The following PDE7B variants were observed in gnomAD, a reference collection of about 807,000 sequenced individuals.
PDE7B encodes the protein phosphodiesterase 7B, also known as 3',5'-cyclic-AMP phosphodiesterase 7B.
PDE7B carries 29 observed loss-of-function variants against 56.2 expected under a neutral mutation model. The ratio of observed to expected loss-of-function variants is 0.52; its 90% CI spans 0.38 to 0.70. The LOEUF is 0.70. PDE7B is among the 30% of genes least tolerant of loss of function. PDE7B has a pLI of 0.00. For synonymous variants in PDE7B, 197 were observed against 196.9 expected (o/e 1.00, Z 0.00); for missense variants, 490 against 565.0 (o/e 0.87, Z 1.35).
At chr6:136,040,991 C>A (rs1221063744) in intron 2 of PDE7B, among the ~76,000 whole-genome samples, 1 of 152,174 alleles carries the variant, frequency 6.6e-6, no homozygotes, top group Non-Finnish European at 1.5e-5. Flanking sequence ...TTATAGCACA[C>A]ATATTTTTGC....
chr6:136,146,774 C>A (rs1281434484), intron 3 of PDE7B, among the ~76,000 whole-genome samples: 1 of 152,130 alleles, frequency 6.6e-6, no homozygotes. Flanking sequence ...ACTTAGCATA[C>A]CAGCATCATT....
intron 2 of PDE7B, among the ~76,000 whole-genome samples, chr6:136,023,820 C>T (rs1260923597): frequency 2.0e-5 from 3 of 152,068 alleles, no homozygotes; most frequent in South Asian, 2.1e-4. Flanking sequence ...GTAAGACTTT[C>T]GGGAGTTGCT....
intron 12 of PDE7B, 36 bp downstream of exon 12, chr6:136,187,152 C>A (rs1190274673): frequency 1.0e-6 from 1 of 995,792 alleles, no homozygotes. Context: ...AAATAAATAC[C>A]TTTGGCACAT....
At chr6:135,890,047 C>A (rs1213561750) in intron 1 of PDE7B, among the ~76,000 whole-genome samples, 1 of 152,156 alleles carries the variant, frequency 6.6e-6, no homozygotes, top group Non-Finnish European at 1.5e-5. Context: ...GCCACCACAC[C>A]CAGATGGTGC....
At chr6:135,933,179 A>T (rs1271525006) in intron 1 of PDE7B, among the ~76,000 whole-genome samples, 1 of 152,230 alleles carries the variant, frequency 6.6e-6, no homozygotes, top group Non-Finnish European at 1.5e-5. Context: ...GGTCCTAATC[A>T]CTAAACATAG....
At chr6:136,072,601 C>A (rs975131489) in intron 2 of PDE7B, 5 of 152,176 alleles carry the variant, frequency 3.3e-5, no homozygotes, top group African/African-American at 7.2e-5. Context: ...TCTGAAGAGA[C>A]CGTGGCCACC....
chr6:136,077,437 T>C (rs1777142979), intron 2 of PDE7B, among the ~76,000 whole-genome samples: 2 of 152,118 alleles, frequency 1.3e-5, no homozygotes, highest in Non-Finnish European at 2.9e-5. Context: ...ATTGGAATGA[T>C]TGGGAAGTTG....
intron 2 of PDE7B, among the ~76,000 whole-genome samples, chr6:135,950,678 C>G (rs969551975): frequency 6.6e-6 from 1 of 152,118 alleles, no homozygotes; most frequent in African/African-American, 2.4e-5. Flanking sequence ...TGGATCCTAG[C>G]TGTGTACTGG....
chr6:135,897,549 C>T (rs1472759086), intron 1 of PDE7B, among the ~76,000 whole-genome samples: 1 of 152,190 alleles, frequency 6.6e-6, no homozygotes, highest in African/African-American at 2.4e-5. Context: ...TGAGAATTTA[C>T]TCAGCAGGTG....
At chr6:135,974,344 G>A (rs1407459724) in intron 2 of PDE7B, among the ~76,000 whole-genome samples, 3 of 145,350 alleles carry the variant, frequency 2.1e-5, no homozygotes, top group Non-Finnish European at 4.6e-5. Context: ...ATATATATAT[G>A]TACATATATA....
At chr6:136,036,453 C>T (rs1776327436) in intron 2 of PDE7B, among the ~76,000 whole-genome samples, 1 of 152,144 alleles carries the variant, frequency 6.6e-6, no homozygotes, top group Non-Finnish European at 1.5e-5. Context: ...AGTAGGTTTG[C>T]CAGTATGCTT....
intron 2 of PDE7B, among the ~76,000 whole-genome samples, chr6:135,971,788 G>A (rs537803623): frequency 1.4e-4 from 22 of 152,266 alleles, no homozygotes; most frequent in African/African-American, 5.1e-4. Flanking sequence ...CCAGGCTGCT[G>A]TGAAGTCCAG....
chr6:135,875,828 A>C (rs1181678754), intron 1 of PDE7B, among the ~76,000 whole-genome samples: 1 of 152,138 alleles, frequency 6.6e-6, no homozygotes, highest in Non-Finnish European at 1.5e-5. Flanking sequence ...GACAATATTC[A>C]CTTGCCATTT....
chr6:136,183,898 A>T (rs560713), intron 11 of PDE7B, among the ~76,000 whole-genome samples: 1 of 151,926 alleles, frequency 6.6e-6, no homozygotes, highest in Admixed American at 6.6e-5. Flanking sequence ...GAAAACAAGA[A>T]CCCATGAATT....
intron 2 of PDE7B, among the ~76,000 whole-genome samples, chr6:136,067,945 C>A (rs1412558567): frequency 3.9e-5 from 6 of 152,126 alleles, no homozygotes; most frequent in Non-Finnish European, 7.4e-5. Flanking sequence ...TTAGAAGAAA[C>A]TGAATTTCTG....
At chr6:136,147,311 T>G (rs957372116) in intron 3 of PDE7B, 40 bp from the exon 4 acceptor site, 2 of 1,491,654 alleles carry the variant, frequency 1.3e-6, no homozygotes, top group Non-Finnish European at 9.2e-7. Context: ...TTGGCTCTCT[T>G]TTAAATATAT....
chr6:135,990,118 C>CA (rs1362062560), intron 2 of PDE7B, among the ~76,000 whole-genome samples: 2 of 139,610 alleles, frequency 1.4e-5, no homozygotes, highest in African/African-American at 2.6e-5. Flanking sequence ...TTTTTTGAGA[C>CA]AGAGTCTCGC....
At chr6:136,184,013 A>C (rs1470359764) in intron 11 of PDE7B, among the ~76,000 whole-genome samples, 1 of 152,210 alleles carries the variant, frequency 6.6e-6, no homozygotes, top group African/African-American at 2.4e-5. Flanking sequence ...GTCCTCTTGT[A>C]ACTACAGATT....
intron 6 of PDE7B, among the ~76,000 whole-genome samples, chr6:136,153,406 G>A (rs898266161): frequency 3.3e-5 from 5 of 152,254 alleles, no homozygotes; most frequent in East Asian, 1.9e-4. Context: ...GCAGGTTAGC[G>A]TCTTCCATAA....
Sources: gnomAD v4.1 joint callset for allele counts (sites outside exome capture counted in the v4.1 genomes callset) on GRCh38, gnomAD v4.1.1 for gene constraint, MANE v1.5 for transcripts, NCBI Gene and HGNC (gene_info 2026-07-23, HGNC 2026-07-21) for gene names.